DMD: variants seen among roughly 807,000 people sequenced by gnomAD.
DMD encodes mutant dystrophin.
A neutral mutation model predicts 330.1 loss-of-function variants in DMD; 63 were observed. The ratio of observed to expected loss-of-function variants is 0.19; its 90% CI spans 0.16 to 0.24. The LOEUF (loss-of-function observed/expected upper bound fraction) is 0.24, where lower values mean the gene tolerates loss of function less well. DMD is among the 10% of genes least tolerant of loss of function. The pLI, the probability that DMD is intolerant of heterozygous loss-of-function variation, is 1.00. For synonymous variants in DMD, 1,223 were observed against 959.8 expected, an observed-to-expected ratio of 1.27 and a Z score of -5.07; for missense variants, 3,344 against 2,684.1, an observed-to-expected ratio of 1.25 and a Z score of -5.43.
chrX:32,791,262 C>T (rs2075799805), intron 7 of DMD, among the ~76,000 whole-genome samples: 1 of 112,017 alleles, frequency 8.9e-6, no homozygotes, highest in Non-Finnish European at 1.9e-5. Flanking sequence ...GCTTGCTGCC[C>T]CTGGGCTGGG....
At chrX:32,425,119 A>T (rs1458429903) in intron 29 of DMD, among the ~76,000 whole-genome samples, 1 of 111,805 alleles carries the variant, frequency 8.9e-6, no homozygotes, top group Non-Finnish European at 1.9e-5. Flanking sequence ...ATTATTCTCT[A>T]ACACTTCTCC....
At chrX:32,658,438 A>G (rs1376823633) in intron 9 of DMD, among the ~76,000 whole-genome samples, 2 of 111,471 alleles carry the variant, frequency 1.8e-5, no homozygotes, top group African/African-American at 6.5e-5. Flanking sequence ...CTGTCACTGC[A>G]AATTGTAGCC....
chrX:31,663,067 T>C (rs988385363), intron 53 of DMD, among the ~76,000 whole-genome samples: 2 of 111,605 alleles, frequency 1.8e-5, no homozygotes, highest in Admixed American at 1.9e-4. Flanking sequence ...TGGGATTTCT[T>C]GCTAGCTGGC....
intron 17 of DMD, among the ~76,000 whole-genome samples, chrX:32,526,041 T>C (rs1431799785): frequency 8.9e-6 from 1 of 111,740 alleles, no homozygotes; most frequent in Non-Finnish European, 1.9e-5. Context: ...TCATAATGTG[T>C]CCCTACACCT....
chrX:32,844,152 C>T (rs1268355609), intron 4 of DMD, among the ~76,000 whole-genome samples: 1 of 111,677 alleles, frequency 9.0e-6, no homozygotes, highest in African/African-American at 3.3e-5. Flanking sequence ...CGCCTGTAAT[C>T]TCAGCACTTC....
At chrX:31,554,116 G>T (rs746227368) in intron 55 of DMD, among the ~76,000 whole-genome samples, 19 of 112,242 alleles carry the variant, frequency 1.7e-4, no homozygotes, top group Non-Finnish European at 3.2e-4. Flanking sequence ...CATATGCACT[G>T]TTAACGAATT....
chrX:31,317,892 C>T (rs1253817590), intron 62 of DMD, among the ~76,000 whole-genome samples: 1 of 112,171 alleles, frequency 8.9e-6, no homozygotes. Context: ...GACGTGTCTA[C>T]TGCAAACCAG....
intron 1 of DMD, among the ~76,000 whole-genome samples, chrX:33,096,131 C>T (rs5928173): frequency 0.48 from 51,882 of 108,024 alleles, 9,677 homozygotes; most frequent in Admixed American, 0.6. Context: ...CCTGCCACCA[C>T]GCCCGGCTAA....
At chrX:32,796,609 T>C (rs200813471) in intron 7 of DMD, among the ~76,000 whole-genome samples, 1 of 111,763 alleles carries the variant, frequency 8.9e-6, no homozygotes, top group South Asian at 3.7e-4. Context: ...ACTCAAAATG[T>C]TCACAGAACA....
At chrX:31,491,885 A>T (rs2069338493) in intron 57 of DMD, among the ~76,000 whole-genome samples, 1 of 112,417 alleles carries the variant, frequency 8.9e-6, no homozygotes, top group Admixed American at 9.5e-5. Context: ...GAAAAACACA[A>T]ATTACCTGTT....
intron 44 of DMD, among the ~76,000 whole-genome samples, chrX:32,158,318 A>C (rs1197917425): frequency 1.8e-5 from 2 of 111,527 alleles, no homozygotes; most frequent in Non-Finnish European, 3.8e-5. Flanking sequence ...GGATCATTTG[A>C]GCTCAGGAGT....
rs1225846684 is a variant in DMD, at chrX:31,182,200, T to C, written c.9974+538A>G. ...TCACTGGGATACTATACAAAGAATG[T>C]AATCAGATTCACAGATAAAGAAGCA... On this transcript the variant is annotated intron_variant, in intron 68 of 78. Transcript: ENST00000357033. 2.7e-5 allele frequency among the ~76,000 whole-genome samples: 3 copies of C among 111,914 alleles called. No homozygotes were observed. In the East Asian group the frequency reaches 8.4e-4, roughly 31 times the overall value.
intron 58 of DMD, 132 bp from the exon 59 acceptor site, chrX:31,478,506 C>G: frequency 1.1e-6 from 1 of 882,878 alleles, no homozygotes; most frequent in Admixed American, 2.7e-5. Context: ...CTTTTTTATA[C>G]TTTGGCATAA....
chrX:33,157,071 C>T (rs1451319872), intron 1 of DMD, among the ~76,000 whole-genome samples: 1 of 111,562 alleles, frequency 9.0e-6, no homozygotes, highest in Non-Finnish European at 1.9e-5. Context: ...TATTAGTTTC[C>T]TGCGGCTGCT....
chrX:33,161,520 G>C (rs1480501756), intron 1 of DMD, among the ~76,000 whole-genome samples: 1 of 111,635 alleles, frequency 9.0e-6, no homozygotes, highest in Admixed American at 9.6e-5. Context: ...GTTGAGAAAG[G>C]TTAAACAACA....
At chrX:32,011,693 G>A (rs945730492) in intron 44 of DMD, among the ~76,000 whole-genome samples, 28 of 110,949 alleles carry the variant, frequency 2.5e-4, no homozygotes, top group African/African-American at 8.8e-4. Flanking sequence ...GCCTCCAGAC[G>A]ACTTCAAATT....
chrX:32,085,219 T>C (rs1288595117), intron 44 of DMD, among the ~76,000 whole-genome samples: 2 of 111,370 alleles, frequency 1.8e-5, no homozygotes, highest in East Asian at 2.8e-4. Flanking sequence ...GTAAGTTATA[T>C]ACACACACAC....
intron 4 of DMD, among the ~76,000 whole-genome samples, chrX:32,826,575 G>C (rs186523539): frequency 1.8e-5 from 2 of 111,491 alleles, no homozygotes; most frequent in Non-Finnish European, 3.8e-5. Flanking sequence ...AGTACGTTAC[G>C]TCAAATGACA....
chrX:31,277,441 C>T (rs937627201), intron 62 of DMD, among the ~76,000 whole-genome samples: 1 of 111,489 alleles, frequency 9.0e-6, no homozygotes, highest in African/African-American at 3.3e-5. Context: ...GAAATATGAT[C>T]GATTTTATTA....
Sources: allele counts gnomAD v4.1 joint callset (sites outside exome capture counted in the v4.1 genomes callset), GRCh38; gene constraint gnomAD v4.1.1; transcripts MANE v1.5; gene names NCBI Gene and HGNC (gene_info 2026-07-23, HGNC 2026-07-21).